The following MGA variants were observed in gnomAD, a reference collection of about 807,000 sequenced individuals.
The protein encoded by MGA is MAX dimerization protein MGA.
In MGA, 40 loss-of-function variants were observed where a neutral mutation model predicts 261.1. The ratio of observed to expected loss-of-function variants is 0.15; its 90% CI spans 0.12 to 0.20. MGA has a LOEUF of 0.20. Among genes scored for constraint, MGA ranks in the 10% least tolerant of loss-of-function variants. The pLI, the probability that MGA is intolerant of heterozygous loss-of-function variation, is 1.00. For synonymous variants in MGA, 1,302 were observed against 1,290.6 expected (o/e 1.01, Z -0.19); for missense variants, 3,397 against 3,630.5 (o/e 0.94, Z 1.65).
rs1387356772 is a variant in MGA, at chr15:41,669,712, A to T, written c.818A>T (p.Gln273Leu). ...AATAAGCCCCAGAGAGATGGAAAAC[A>T]AAAGAACAGCTCTGACCAAGAAGGG... is the stretch of plus-strand genomic sequence containing the variant. The change falls in exon 2 of 24, where the codon CAA (glutamine) becomes CTA (leucine). Residue 273 changes from glutamine to leucine, a missense_variant. Gln to Leu is a moderately radical substitution (Grantham distance 113). This residue lies in a region of MGA where 563 missense variants were observed against 563.6 expected (regional missense o/e 1.00). Transcript: ENST00000219905. 1.2e-6 allele frequency: 2 copies of T among 1,613,524 alleles called. No individual in the cohort carries two copies. The highest frequency in any genetic ancestry group is 2.7e-5 in the African/African-American group (2 of 74,930).
chr15:41,717,226 C>T (rs1256058950), intron 9 of MGA, among the ~76,000 whole-genome samples: 1 of 152,144 alleles, frequency 6.6e-6, no homozygotes, highest in African/African-American at 2.4e-5. Flanking sequence ...ACCTGCTTAT[C>T]CTTTGGTTTG....
At chr15:41,677,650 G>A (rs2058456688) in intron 2 of MGA, among the ~76,000 whole-genome samples, 1 of 152,160 alleles carries the variant, frequency 6.6e-6, no homozygotes, top group African/African-American at 2.4e-5. Context: ...GGTATGAAGG[G>A]ATAGCTCGTT....
At chr15:41,681,989 C>T (rs2058705213) in intron 2 of MGA, among the ~76,000 whole-genome samples, 1 of 152,084 alleles carries the variant, frequency 6.6e-6, no homozygotes. Flanking sequence ...GCGATCTCGG[C>T]TTACTGCAAC....
intron 5 of MGA, among the ~76,000 whole-genome samples, chr15:41,700,041 G>GGTT (rs1555417819): frequency 9.8e-6 from 1 of 101,572 alleles, no homozygotes; most frequent in East Asian, 4.1e-4. Context: ...TGTCATCGAG[G>GGTT]TTTTTTTTTT....
At position 41,767,417 on chromosome 15, in the gene MGA, A is replaced by AG; in HGVS notation, c.*142dup. On this transcript the variant is annotated 3_prime_UTR_variant, in exon 24 of 24. Coordinates refer to ENST00000219905, the MANE Select transcript of MGA (RefSeq NM_001164273.2). ...GATGCAGTGGATAATGATGGGAGAA[A>AG]GGGGGTAGGGTGCTGACCCTGGTAT... 1.1e-6 allele frequency: 1 copy of AG among 896,766 alleles called. No individual in the cohort carries two copies. Among genetic ancestry groups the AG allele is most frequent in the East Asian group, 2.5e-5 (1 of 40,276 alleles). 55.6% of individuals were successfully genotyped at this position (896,766 alleles called of 1,614,324 possible).
At position 41,742,643 on chromosome 15, in the gene MGA, C is replaced by T; in HGVS notation, c.4683C>T (p.Thr1561=). ...TACCTGGAGTTAGCACACCCCAAAC[C>T]CTGGCAGGGACACAGAAGTTCAGTA... Residue 1561 remains threonine (T), a synonymous_variant, in exon 15 of 24, where the codon ACC becomes ACT. Transcript: ENST00000219905. 1 of 1,613,916 alleles carries T rather than the reference C, an allele frequency of 6.2e-7. No homozygotes were observed. Among genetic ancestry groups the T allele is most frequent in the Middle Eastern group, 1.7e-4 (1 of 6,058 alleles).
In MGA at chr15:41,719,252, A is replaced by G. The variant is rs151328713; in HGVS notation, c.3430+5756A>G. On this transcript the variant is annotated intron_variant, in intron 9 of 23. Coordinates refer to ENST00000219905, the MANE Select transcript of MGA (RefSeq NM_001164273.2). ...TGCTGAGAGTGATTTTAAGAGGCCT[A>G]AATAAATGGAAAAATATATTGTTTT... Among the ~76,000 whole-genome samples the G allele has an allele frequency of 7.2e-5, 11 of 152,324 alleles. No homozygotes were observed. The East Asian group carries it at 2.1e-3, about 29-fold the overall frequency.
intron 16 of MGA, 72 bp from the exon 17 acceptor site, chr15:41,749,039 G>GA: frequency 5.8e-6 from 9 of 1,546,258 alleles, no homozygotes; most frequent in Non-Finnish European, 7.8e-6. Context: ...TTTCCAAAAA[G>GA]AAAAGCAAAC....
At position 41,746,653 on chromosome 15, in the gene MGA, G is replaced by C. The variant is rs12595058; in HGVS notation, c.5213-1984G>C. On this transcript the variant is annotated intron_variant, in intron 15 of 23. Transcript: ENST00000219905. Reference sequence around the variant, plus strand: ...GTGTTTTATTTAATTTTTAAGAGTAGTCTTGGATTTTCTATATAATTTTTC... The same window carrying C: ...GTGTTTTATTTAATTTTTAAGAGTACTCTTGGATTTTCTATATAATTTTTC... Among the ~76,000 whole-genome samples, 660 of 150,690 alleles carry C rather than the reference G, an allele frequency of 4.4e-3. 17 individuals carry two copies. The East Asian group carries it at 0.074, about 17-fold the overall frequency.
rs768787099 is a variant in MGA at position 41,750,463 on chromosome 15, G to A, written c.6856G>A (p.Glu2286Lys). The A allele has an allele frequency of 8.1e-6, 13 of 1,613,884 alleles. No individual in the cohort carries two copies. The highest frequency in any genetic ancestry group is 1.7e-5 in the Admixed American group (1 of 60,002). ...TGGAGAACAGATACAACCAAAGCAA[G>A]AGAAGAAGGGTGGGAGAAGCAGTGC... The change falls in exon 17 of 24, where the codon GAG becomes AAG. Residue 2286 changes from glutamate (E) to lysine (K), a missense_variant. Physicochemically the swap from Glu to Lys is moderately conservative, Grantham distance 56. Transcript: ENST00000219905.
chr15:41,718,310 T>C (rs994533803), intron 9 of MGA: 1 of 240,562 alleles, frequency 4.2e-6, no homozygotes, highest in Non-Finnish European at 7.9e-6. Context: ...TGTATATATA[T>C]ATATATATAT....
At chr15:41,747,470 C>A (rs1283593509) in intron 15 of MGA, among the ~76,000 whole-genome samples, 1 of 151,724 alleles carries the variant, frequency 6.6e-6, no homozygotes, top group Admixed American at 6.6e-5. Flanking sequence ...TGGCTCATAC[C>A]TATAATCCCA....
At chr15:41,711,371 G>A in intron 8 of MGA, 22 bp downstream of exon 8, 2 of 1,566,070 alleles carry the variant, frequency 1.3e-6, no homozygotes, top group Non-Finnish European at 1.7e-6. Flanking sequence ...CTGTTTTCTG[G>A]AGGTATATTA....
intron 11 of MGA, 69 bp from the exon 12 acceptor site, chr15:41,734,453 G>A (rs931617030): frequency 1.7e-6 from 2 of 1,207,774 alleles, no homozygotes; most frequent in East Asian, 5.0e-5. Context: ...TTTAATGCTT[G>A]TGTCCAAGTT....
At chr15:41,738,309 C>T (rs1475414975) in intron 13 of MGA, among the ~76,000 whole-genome samples, 2 of 152,090 alleles carry the variant, frequency 1.3e-5, no homozygotes, top group Non-Finnish European at 2.9e-5. Flanking sequence ...GCAGGAGAAT[C>T]GCCTGAACCT....
intron 14 of MGA, among the ~76,000 whole-genome samples, chr15:41,741,346 C>CAAAAAAA (rs11389766): frequency 8.3e-5 from 6 of 72,318 alleles, no homozygotes; most frequent in Non-Finnish European, 9.8e-5. Context: ...ACTCCATCTC[C>CAAAAAAA]AAAAAAAAAA....
At chr15:41,642,909 C>CT (rs753960013) in intron 1 of MGA, among the ~76,000 whole-genome samples, 3,353 of 130,204 alleles carry the variant, frequency 0.026, 58 homozygotes, top group African/African-American at 0.047. Flanking sequence ...CATGCCTGGC[C>CT]TTTTTTTTTT....
chr15:41,757,918 C>A, intron 19 of MGA, 79 bp downstream of exon 19: 1 of 1,235,674 alleles, frequency 8.1e-7, no homozygotes, highest in Non-Finnish European at 1.2e-6. Context: ...ACAACATTAG[C>A]TATATTAGCC....
intron 18 of MGA, among the ~76,000 whole-genome samples, chr15:41,756,376 T>C (rs2063150000): frequency 6.6e-6 from 1 of 152,174 alleles, no homozygotes; most frequent in African/African-American, 2.4e-5. Flanking sequence ...CTTTACCAAT[T>C]CACACCCATA....
Sources: allele counts gnomAD v4.1 joint callset (sites outside exome capture counted in the v4.1 genomes callset), GRCh38; gene constraint gnomAD v4.1.1; regional missense constraint gnomAD v4.1.1; transcripts MANE v1.5; gene names NCBI Gene and HGNC (gene_info 2026-07-23, HGNC 2026-07-21).